The following BMAL2 variants were observed in gnomAD, a reference collection of about 807,000 sequenced individuals.
BMAL2 encodes the protein basic helix-loop-helix ARNT-like protein 2.
At chr12:27,400,599 G>T in the BMAL2 span, 5 of 1,613,824 alleles carry the variant, frequency 3.1e-6, no homozygotes, top group Non-Finnish European at 4.2e-6. Flanking sequence ...AAATATTGTT[G>T]GAATGGAAGA....
At chr12:27,335,444 T>C in the BMAL2 span, among the ~76,000 whole-genome samples, 1 of 152,208 alleles carries the variant, frequency 6.6e-6, no homozygotes, top group Non-Finnish European at 1.5e-5. Flanking sequence ...TGGGGCAGCT[T>C]TCTCACCTTC....
At chr12:27,364,475 AGCAGATG>A in the BMAL2 span, among the ~76,000 whole-genome samples, 1 of 152,270 alleles carries the variant, frequency 6.6e-6, no homozygotes, top group Non-Finnish European at 1.5e-5. Flanking sequence ...TTTGATATTT[AGCAGATG>A]TCCATATATA....
chr12:27,368,190 T>C, the BMAL2 span: 2 of 1,540,280 alleles, frequency 1.3e-6, no homozygotes, highest in Non-Finnish European at 1.8e-6. Flanking sequence ...ATTTAAAATG[T>C]GTGATATGGA....
the BMAL2 span, among the ~76,000 whole-genome samples, chr12:27,366,654 C>A: frequency 6.6e-6 from 1 of 152,176 alleles, no homozygotes; most frequent in Non-Finnish European, 1.5e-5. Context: ...TCACACTTAG[C>A]AATTCAGAGT....
the BMAL2 span, among the ~76,000 whole-genome samples, chr12:27,369,318 C>T: frequency 1.6e-3 from 238 of 151,704 alleles, 1 homozygote; most frequent in African/African-American, 5.5e-3. Context: ...TGGTATTCAG[C>T]TCTTTATTTA....
the BMAL2 span, among the ~76,000 whole-genome samples, chr12:27,378,031 C>T: frequency 1.3e-5 from 2 of 152,288 alleles, no homozygotes; most frequent in African/African-American, 4.8e-5. Context: ...AGGGAAGTCT[C>T]CCACTTACCC....
the BMAL2 span, chr12:27,415,849 T>C: frequency 1.3e-6 from 2 of 1,538,268 alleles, no homozygotes; most frequent in Non-Finnish European, 1.8e-6. Flanking sequence ...TAAAAATGTT[T>C]TATGTATCAC....
the BMAL2 span, among the ~76,000 whole-genome samples, chr12:27,386,559 T>C: frequency 6.6e-6 from 1 of 152,206 alleles, no homozygotes; most frequent in African/African-American, 2.4e-5. Flanking sequence ...GCCCTGTCCT[T>C]CTACCTCAAC....
chr12:27,410,521 C>T, the BMAL2 span, among the ~76,000 whole-genome samples: 1 of 152,160 alleles, frequency 6.6e-6, no homozygotes, highest in Non-Finnish European at 1.5e-5. Context: ...CGCATGTTCT[C>T]ACTCATAGGT....
the BMAL2 span, among the ~76,000 whole-genome samples, chr12:27,381,847 A>G: frequency 1.3e-5 from 2 of 152,350 alleles, no homozygotes; most frequent in East Asian, 1.9e-4. Context: ...TCAGATTTGT[A>G]AAGATCTAGA....
At chr12:27,376,199 C>T in the BMAL2 span, 1 of 646,474 alleles carries the variant, frequency 1.5e-6, no homozygotes, top group South Asian at 2.0e-5. Flanking sequence ...CATTTCAGGT[C>T]ATTAGGTGCT....
the BMAL2 span, chr12:27,368,241 G>C: frequency 2.1e-5 from 34 of 1,612,998 alleles, no homozygotes; most frequent in Non-Finnish European, 2.7e-5. Context: ...TAAATGTCTT[G>C]TTGTACTCTG....
At chr12:27,360,810 A>AAAAAC in the BMAL2 span, among the ~76,000 whole-genome samples, 4 of 148,292 alleles carry the variant, frequency 2.7e-5, 1 homozygote, top group East Asian at 1.9e-4. Context: ...GTCCAAAAAA[A>AAAAAC]AAAAAAAAAA....
At chr12:27,336,179 A>G in the BMAL2 span, among the ~76,000 whole-genome samples, 1 of 152,222 alleles carries the variant, frequency 6.6e-6, no homozygotes, top group Non-Finnish European at 1.5e-5. Context: ...AGTCAGCATC[A>G]TCATGGTCAT....
the BMAL2 span, among the ~76,000 whole-genome samples, chr12:27,386,391 G>A: frequency 3.9e-5 from 6 of 152,178 alleles, no homozygotes; most frequent in Non-Finnish European, 8.8e-5. Context: ...TGTGCCATAT[G>A]TACCCGCTTC....
chr12:27,370,229 A>G, the BMAL2 span: 33 of 1,610,678 alleles, frequency 2.0e-5, no homozygotes, highest in Non-Finnish European at 2.6e-5. Context: ...CAGTGGCAGC[A>G]GGTAAGTCCT....
the BMAL2 span, among the ~76,000 whole-genome samples, chr12:27,390,650 G>A: frequency 6.6e-6 from 1 of 152,090 alleles, no homozygotes; most frequent in African/African-American, 2.4e-5. Context: ...GATGTTCCAG[G>A]TGTGATTTTA....
chr12:27,415,726 C>G, the BMAL2 span: 2 of 624,358 alleles, frequency 3.2e-6, no homozygotes, highest in Non-Finnish European at 5.6e-6. Flanking sequence ...CCTAGTAAGT[C>G]AGTCTAATTG....
chr12:27,376,428 G>A, the BMAL2 span: 1 of 1,588,588 alleles, frequency 6.3e-7, no homozygotes, highest in Non-Finnish European at 8.6e-7. Context: ...TGAGTGGAAA[G>A]GTACACAAAG....
Sources: allele counts gnomAD v4.1 joint callset (sites outside exome capture counted in the v4.1 genomes callset), GRCh38; gene constraint gnomAD v4.1.1; transcripts MANE v1.5; gene names NCBI Gene and HGNC (gene_info 2026-07-23, HGNC 2026-07-21).